Variants in ZNF200 observed in about 807,000 individuals in gnomAD.
The protein encoded by ZNF200 is zinc finger protein 200.
In ZNF200, 35 loss-of-function variants were observed where a neutral mutation model predicts 33.6. The observed-to-expected ratio is 1.04, with a 90% CI of 0.80 to 1.38. The LOEUF (loss-of-function observed/expected upper bound fraction) is 1.38, where lower values mean the gene tolerates loss of function less well. Ranked by LOEUF, ZNF200 falls within the 40% of genes most tolerant of loss-of-function variation. The pLI is 0.00. For missense variants in ZNF200, 592 were observed against 470.6 expected (o/e 1.26, Z -2.39); for synonymous variants, 209 against 167.7 (o/e 1.25, Z -1.90).
chr16:3,228,065 A>G (rs2141626648), intron 4 of ZNF200, among the ~76,000 whole-genome samples: 1 of 152,052 alleles, frequency 6.6e-6, no homozygotes, highest in Admixed American at 6.5e-5. Flanking sequence ...TTTCGTTGAA[A>G]TCTACTCTTG....
chr16:3,233,093 T>C (rs1958686987), intron 2 of ZNF200, among the ~76,000 whole-genome samples, 172 bp from the exon 3 acceptor site: 2 of 152,228 alleles, frequency 1.3e-5, no homozygotes, highest in African/African-American at 2.4e-5. Flanking sequence ...CTTGAACCTA[T>C]GGCATCTCCC....
Position 3,224,604 on chromosome 16 carries a change from C to A in ZNF200, c.476G>T (p.Gly159Val), listed in dbSNP as rs1958420649. 3 of 1,588,390 alleles carry A rather than the reference C, an allele frequency of 1.9e-6. No individual in the cohort carries two copies. The highest frequency in any genetic ancestry group is 2.6e-6 in the Non-Finnish European group (3 of 1,166,280). Residue 159 changes from glycine (G) to valine (V), a missense_variant, in exon 5 of 5, where the codon GGC becomes GTC. By Grantham distance (109) the Gly-to-Val change is moderately radical (BLOSUM62 -3). Coordinates refer to ENST00000414144, the MANE Select transcript of ZNF200 (RefSeq NM_198088.3). ...AGGATCTTCACCTTCAGGATTACTG[C>A]CATTGACTGCTGAAACAAAGAGAGA... ...VGEMMLLAVN[G>V]SNPEGEDPER...
rs1013230798 is a variant in ZNF200, at chr16:3,232,285, T to C, written c.466+136A>G. The C allele has an allele frequency of 7.2e-6, 8 of 1,112,478 alleles. No homozygotes were observed. In the East Asian group the frequency reaches 7.7e-5, roughly 11 times the overall value. 68.9% of individuals were successfully genotyped at this position (1,112,478 alleles called of 1,614,324 possible). The stretch of plus-strand genomic sequence containing the variant: ...TGTGGCAAGGCTCTGCTACATTGAA[T>C]AAAACAAAAGTAAAATAAAATGTGT... On this transcript the variant is annotated intron_variant, in intron 4 of 4. Coordinates refer to ENST00000414144, the MANE Select transcript of ZNF200 (RefSeq NM_198088.3).
chr16:3,234,911 G>C (rs1404914211), intron 1 of ZNF200, 76 bp downstream of exon 1: 1 of 152,370 alleles, frequency 6.6e-6, no homozygotes, highest in East Asian at 1.9e-4. Flanking sequence ...ACCCGGCCTT[G>C]CTCCCTCAGC....
In ZNF200 at chr16:3,233,966, T is replaced by G. The variant is rs1448652222; in HGVS notation, c.-81-130A>C. The stretch of plus-strand genomic sequence containing the variant: ...ACAGCTGGGATAGGGAAATCATAAC[T>G]GAAACGCAGTATTTGAACAAGATAT... On this transcript the variant is annotated intron_variant, in intron 1 of 4. Transcript: ENST00000414144. The G allele has an allele frequency of 5.0e-6, 3 of 595,138 alleles. No homozygotes were observed. In the African/African-American group the frequency reaches 5.7e-5, roughly 11 times the overall value. The allele number at this position is 595,138 out of a possible 1,614,324, so 36.9% of individuals were successfully genotyped here. A position where few individuals can be genotyped will look rare whatever the true frequency, so the allele number is the denominator to read the frequency against.
intron 3 of ZNF200, 39 bp from the exon 4 acceptor site, chr16:3,232,586 G>A: frequency 6.2e-7 from 1 of 1,608,286 alleles, no homozygotes; most frequent in Non-Finnish European, 8.5e-7. Flanking sequence ...TAGTAACTGA[G>A]GTTCACTGAC....
At position 3,223,072 on chromosome 16, in the gene ZNF200, C is replaced by A. The variant is rs1442848541; in HGVS notation, c.*820G>T. On this transcript the variant is annotated 3_prime_UTR_variant, in exon 5 of 5. Coordinates refer to ENST00000414144, the MANE Select transcript of ZNF200 (RefSeq NM_198088.3). ...TCCTTCGTAGCACATGAGATCTGGG[C>A]TCAACAGAGGGACAAGATTCTGAAG... 6.6e-6 allele frequency: 1 copy of A among 152,202 alleles called. No homozygotes were observed. Among genetic ancestry groups the A allele is most frequent in the African/African-American group, 2.4e-5 (1 of 41,440 alleles). The allele number at this position is 152,202 out of a possible 1,614,324, so 9.4% of individuals were successfully genotyped here. A position where few individuals can be genotyped will look rare whatever the true frequency, so the allele number is the denominator to read the frequency against.
At chr16:3,231,194 A>G (rs2141638411) in intron 4 of ZNF200, among the ~76,000 whole-genome samples, 1 of 152,272 alleles carries the variant, frequency 6.6e-6, no homozygotes, top group Non-Finnish European at 1.5e-5. Context: ...TGGAGGCAAT[A>G]TATCCACTAA....
rs1347808655 is a variant in ZNF200 at position 3,226,784 on chromosome 16, C to A, written c.467-2171G>T. 3 of 152,154 alleles carry A rather than the reference C, an allele frequency of 2.0e-5. No homozygotes were observed. The East Asian group carries it at 5.8e-4, about 29-fold the overall frequency. 9.4% of individuals were successfully genotyped at this position (152,154 alleles called of 1,614,324 possible). A position where few individuals can be genotyped will look rare whatever the true frequency, so the allele number is the denominator to read the frequency against. ...TAGGTCAGATTTCCAGAATTGAACT[C>A]CTGGAACAAAGGATAAGATGGGTAG... is the stretch of plus-strand genomic sequence containing the variant. On this transcript the variant is annotated intron_variant, in intron 4 of 4. Coordinates refer to ENST00000414144, the MANE Select transcript of ZNF200 (RefSeq NM_198088.3).
Position 3,223,142 on chromosome 16 carries a change from A to G in ZNF200, c.*750T>C, listed in dbSNP as rs138019409. The G allele has an allele frequency of 3.3e-5, 5 of 152,392 alleles. No individual in the cohort carries two copies. In the East Asian group the frequency reaches 9.6e-4, roughly 29 times the overall value. The allele number at this position is 152,392 out of a possible 1,614,324, so 9.4% of individuals were successfully genotyped here. On this transcript the variant is annotated 3_prime_UTR_variant, in exon 5 of 5. Coordinates refer to ENST00000414144, the MANE Select transcript of ZNF200 (RefSeq NM_198088.3). Reference sequence around the variant, plus strand: ...CTGGATGGCCCTGCCTGAGTAATCCAAACTTCTTTTAGCAAGGGAGAAGCA... The same window carrying G: ...CTGGATGGCCCTGCCTGAGTAATCCGAACTTCTTTTAGCAAGGGAGAAGCA...
chr16:3,230,088 A>C (rs1345486587), intron 4 of ZNF200, among the ~76,000 whole-genome samples: 1 of 152,200 alleles, frequency 6.6e-6, no homozygotes, highest in Non-Finnish European at 1.5e-5. Flanking sequence ...GTGGCTGTTT[A>C]AAAGAGCCTG....
chr16:3,234,094 G>T lies in ZNF200; in HGVS notation c.-81-258C>A, dbSNP rs774753449. On this transcript the variant is annotated intron_variant, in intron 1 of 4. Transcript: ENST00000414144. ...GTAAGGGTGGAGCGGAGAAGGCCAA[G>T]GTCCAGCCTCCTGAGAAATACAAAG... 2.5e-4 allele frequency: 46 copies of T among 186,744 alleles called. 1 individual carries two copies. The highest frequency in any genetic ancestry group is 3.2e-4 in the Non-Finnish European group (29 of 89,558). 11.6% of individuals were successfully genotyped at this position (186,744 alleles called of 1,614,324 possible). A position where few individuals can be genotyped will look rare whatever the true frequency, so the allele number is the denominator to read the frequency against.
chr16:3,223,765 A>G lies in ZNF200; in HGVS notation c.*127T>C. On this transcript the variant is annotated 3_prime_UTR_variant, in exon 5 of 5. Transcript: ENST00000414144. ...GAGGTTTTAGCTAAGATGGGCATTT[A>G]TCCAATTTTGGCAATAATGAGATTT... 7.2e-7 allele frequency: 1 copy of G among 1,392,294 alleles called. No individual in the cohort carries two copies. Among genetic ancestry groups the G allele is most frequent in the African/African-American group, 1.4e-5 (1 of 69,246 alleles). 86.2% of individuals were successfully genotyped at this position (1,392,294 alleles called of 1,614,324 possible). A position where few individuals can be genotyped will look rare whatever the true frequency, so the allele number is the denominator to read the frequency against.
intron 2 of ZNF200, among the ~76,000 whole-genome samples, chr16:3,233,254 C>G (rs1231662977): frequency 6.6e-6 from 1 of 152,252 alleles, no homozygotes; most frequent in Non-Finnish European, 1.5e-5. Context: ...AATAATTCAT[C>G]TGATTTATCC....
At chr16:3,232,332 G>A in intron 4 of ZNF200, 89 bp downstream of exon 4, 1 of 1,419,462 alleles carries the variant, frequency 7.0e-7, no homozygotes, top group Non-Finnish European at 9.7e-7. Flanking sequence ...GGCTTACCAG[G>A]TGTGAATCGT....
chr16:3,223,915 A>G lies in ZNF200; in HGVS notation c.1165T>C (p.Cys389Arg), dbSNP rs768608925. Residue 389 changes from cysteine to arginine, a missense_variant, in exon 5 of 5, where the codon TGT becomes CGT. Physicochemically the swap from Cys to Arg is radical, Grantham distance 180. Transcript: ENST00000414144. The part of the protein sequence containing the change: ...CTRHEKTHSA[C>R]KTRKQK ...TATTACTTCTGCTTTCGGGTCTTAC[A>G]GGCTGAGTGGGTTTTCTCATGCCGG... The G allele has an allele frequency of 1.2e-6, 2 of 1,613,232 alleles. No homozygotes were observed. Among genetic ancestry groups the G allele is most frequent in the Admixed American group, 3.3e-5 (2 of 59,854 alleles).
At chr16:3,226,575 T>C (rs907400608) in intron 4 of ZNF200, 10 of 152,250 alleles carry the variant, frequency 6.6e-5, no homozygotes, top group African/African-American at 1.7e-4. Context: ...CAAAATAATC[T>C]ACTGGGTTAA....
intron 4 of ZNF200, among the ~76,000 whole-genome samples, chr16:3,230,992 A>G (rs576979371): frequency 1.3e-5 from 2 of 152,378 alleles, no homozygotes; most frequent in East Asian, 1.9e-4. Context: ...AGGCAAGAAT[A>G]TAACATCTTC....
Position 3,233,810 on chromosome 16 carries a change from C to T in ZNF200, c.-55G>A, listed in dbSNP as rs746647492. On this transcript the variant is annotated 5_prime_UTR_variant, in exon 2 of 5. Coordinates refer to ENST00000414144, the MANE Select transcript of ZNF200 (RefSeq NM_198088.3). The stretch of plus-strand genomic sequence containing the variant: ...GCGGGGCCTCCAGAGCCACCTCTTA[C>T]TAGAGGAAATCTGCCAGAGAGCCAA... The T allele has an allele frequency of 6.5e-7, 1 of 1,540,082 alleles. No homozygotes were observed. The highest frequency in any genetic ancestry group is 8.7e-7 in the Non-Finnish European group (1 of 1,144,140).
Sources: gnomAD v4.1 joint callset for allele counts (sites outside exome capture counted in the v4.1 genomes callset) on GRCh38, gnomAD v4.1.1 for gene constraint, MANE v1.5 for transcripts, NCBI Gene and HGNC (gene_info 2026-07-23, HGNC 2026-07-21) for gene names.